SPTB: variants seen among roughly 807,000 people sequenced by gnomAD.
The protein encoded by SPTB is spectrin beta chain, erythrocytic.
In SPTB, 45 loss-of-function variants were observed where a neutral mutation model predicts 256.2. The ratio of observed to expected loss-of-function variants is 0.18; its 90% CI spans 0.14 to 0.23. SPTB has a LOEUF of 0.23. SPTB is among the 10% of genes least tolerant of loss of function. The probability of loss-of-function intolerance (pLI) is 1.00; values close to 1 mark genes in which losing one functional copy is unlikely to be tolerated. For synonymous variants in SPTB, 1,231 were observed against 1,243.1 expected, an observed-to-expected ratio of 0.99 and a Z score of 0.21; for missense variants, 2,715 against 3,040.4, an observed-to-expected ratio of 0.89 and a Z score of 2.52.
At chr14:64,869,819 C>T (rs1348863447) in intron 1 of SPTB, among the ~76,000 whole-genome samples, 1 of 139,900 alleles carries the variant, frequency 7.1e-6, no homozygotes, top group Non-Finnish European at 1.5e-5. Flanking sequence ...TTTGTAGAGA[C>T]AGGTCTTGCT....
rs2139780081 is a variant in SPTB, at chr14:64,853,156, G to T, written c.-52+26636C>A. ...ACAGTAAAAGTCCTGGACATCCCAT[G>T]GGATATCTGGGTGGAAATGCTTAAC... On this transcript the variant is annotated intron_variant, in intron 1 of 35. Transcript: ENST00000644917. This position sits in a 1 kb window ranked among gnomAD's most constrained non-coding sequence, Gnocchi z 4.3. Among the ~76,000 whole-genome samples the T allele has an allele frequency of 6.6e-6, 1 of 152,280 alleles. No individual in the cohort carries two copies. The highest frequency in any genetic ancestry group is 1.5e-5 in the Non-Finnish European group (1 of 68,024).
intron 1 of SPTB, among the ~76,000 whole-genome samples, chr14:64,857,115 G>A (rs2083886182): frequency 6.6e-6 from 1 of 152,112 alleles, no homozygotes; most frequent in African/African-American, 2.4e-5. Context: ...GCATGTGACC[G>A]CAATACACAA....
intron 15 of SPTB, among the ~76,000 whole-genome samples, chr14:64,789,175 ACCT>A (rs2082625801): frequency 6.6e-6 from 1 of 151,932 alleles, no homozygotes; most frequent in African/African-American, 2.4e-5. Flanking sequence ...ACATAGTGAG[ACCT>A]CATCTCTACA....
At chr14:64,789,223 G>A (rs879327929) in intron 15 of SPTB, among the ~76,000 whole-genome samples, 1 of 152,104 alleles carries the variant, frequency 6.6e-6, no homozygotes. Context: ...ATAGTAGTGT[G>A]CATCTGTAGC....
In SPTB at chr14:64,847,496, T is replaced by C. The variant is rs2083711750; in HGVS notation, c.-51-24351A>G. Reference sequence around the variant, plus strand: ...CTATTTATCTATCCTTCAGGTACCTTCCCAGGTTGGTGCTAGCTCCTTTCA... The same window carrying C: ...CTATTTATCTATCCTTCAGGTACCTCCCCAGGTTGGTGCTAGCTCCTTTCA... On this transcript the variant is annotated intron_variant, in intron 1 of 35. Transcript: ENST00000644917. This position sits in a 1 kb window ranked among gnomAD's most constrained non-coding sequence, Gnocchi z 5.9. Among the ~76,000 whole-genome samples the C allele has an allele frequency of 6.6e-6, 1 of 150,692 alleles. No homozygotes were observed. The highest frequency in any genetic ancestry group is 1.5e-5 in the Non-Finnish European group (1 of 67,494).
rs1378864273 is a variant in SPTB, at chr14:64,797,788, C to G, written c.1123G>C (p.Ala375Pro). 2 of 1,614,050 alleles carry G rather than the reference C, an allele frequency of 1.2e-6. No individual in the cohort carries two copies. The highest frequency in any genetic ancestry group is 2.2e-5 in the East Asian group (1 of 44,894). ...GGTGTGTACACTTTCTGATTGTTGG[C>G]TCTCATCCGGGACTGGATGGTAAAA... ...LLFTIQSRMR[A>P]NNQKVYTPHD... The change falls in exon 10 of 36, where the codon GCC becomes CCC. Residue 375 changes from alanine to proline, a missense_variant. By Grantham distance (27) the Ala-to-Pro change is conservative. Around this residue, in one of 4 missense-constraint regions of SPTB, gnomAD observed 416 missense variants for 571.1 expected, o/e 0.73. Coordinates refer to ENST00000644917, the MANE Select transcript of SPTB (RefSeq NM_001355436.2).
At chr14:64,771,605 C>T (rs193186320) in intron 26 of SPTB, among the ~76,000 whole-genome samples, 6 of 152,228 alleles carry the variant, frequency 3.9e-5, no homozygotes, top group East Asian at 1.9e-4. Context: ...CCTGAGTCCC[C>T]GTTCTTAACC....
intron 2 of SPTB, among the ~76,000 whole-genome samples, chr14:64,817,254 C>T (rs2083209016): frequency 6.6e-6 from 1 of 152,206 alleles, no homozygotes; most frequent in South Asian, 2.1e-4. Context: ...GCAGGTTTAT[C>T]TACACTGTGT....
chr14:64,817,835 G>A (rs1320466552), intron 2 of SPTB, among the ~76,000 whole-genome samples: 4 of 152,248 alleles, frequency 2.6e-5, no homozygotes, highest in East Asian at 1.9e-4. Flanking sequence ...GGAGGTGGGC[G>A]GGGAGCAGCA....
At chr14:64,753,951 C>T in intron 32 of SPTB, 158 bp from the exon 33 acceptor site, 1 of 923,526 alleles carries the variant, frequency 1.1e-6, no homozygotes, top group South Asian at 1.4e-5. Context: ...TCTCCCACAA[C>T]CTGCTATGGG....
At chr14:64,839,561 T>C (rs950374008) in intron 1 of SPTB, among the ~76,000 whole-genome samples, 4 of 152,222 alleles carry the variant, frequency 2.6e-5, no homozygotes, top group African/African-American at 9.6e-5. Flanking sequence ...TTACTGTATG[T>C]AAATTATGCT....
chr14:64,831,567 C>G (rs1271078311), intron 1 of SPTB, among the ~76,000 whole-genome samples: 1 of 152,246 alleles, frequency 6.6e-6, no homozygotes, highest in Non-Finnish European at 1.5e-5. Context: ...TGGAAAGGGG[C>G]TGCCCTGTGC....
chr14:64,801,457 G>T, intron 6 of SPTB, 57 bp from the exon 7 acceptor site: 2 of 1,268,176 alleles, frequency 1.6e-6, no homozygotes, highest in Non-Finnish European at 2.3e-6. Context: ...CACCAGGAGG[G>T]CAGCCCTAGC....
At position 64,747,662 on chromosome 14, in the gene SPTB, C is replaced by A. The variant is rs531394046; in HGVS notation, c.*1644G>T. On this transcript the variant is annotated 3_prime_UTR_variant, in exon 36 of 36. Coordinates refer to ENST00000644917, the MANE Select transcript of SPTB (RefSeq NM_001355436.2). ...GGGGGCCTCATTCTGGATGCCTGCC[C>A]CTGTGGCTTCTACCTGAACCTCACC... The A allele has an allele frequency of 8.5e-5, 13 of 152,374 alleles. No homozygotes were observed. The highest frequency in any genetic ancestry group is 2.9e-4 in the African/African-American group (12 of 41,542). 9.4% of individuals were successfully genotyped at this position (152,374 alleles called of 1,614,324 possible).
intron 1 of SPTB, among the ~76,000 whole-genome samples, chr14:64,858,300 C>T (rs908114819): frequency 1.3e-5 from 2 of 152,156 alleles, no homozygotes; most frequent in African/African-American, 4.8e-5. Context: ...CGGTGTTAAA[C>T]TTGATTCTTA....
chr14:64,762,274 G>T (rs1270306829), intron 32 of SPTB, among the ~76,000 whole-genome samples: 1 of 152,244 alleles, frequency 6.6e-6, no homozygotes, highest in South Asian at 2.1e-4. Flanking sequence ...GTCTGAAAGA[G>T]TAGCAGGAGG....
chr14:64,815,940 G>A (rs552038159), intron 2 of SPTB, among the ~76,000 whole-genome samples: 4 of 152,264 alleles, frequency 2.6e-5, no homozygotes, highest in African/African-American at 4.8e-5. Flanking sequence ...GCAGGATGAC[G>A]GAAGAGTGAT....
At chr14:64,768,982 C>T (rs2082235361) in intron 29 of SPTB, 52 bp downstream of exon 29, 1 of 1,452,332 alleles carries the variant, frequency 6.9e-7, no homozygotes, top group African/African-American at 1.4e-5. Flanking sequence ...CATTCCCCTA[C>T]TCCTGCGGGG....
At position 64,746,321 on chromosome 14, in the gene SPTB, G is replaced by A. The variant is rs2139404393; in HGVS notation, c.*2985C>T. ...ATTTATTAGAAAAACTAGTAAATGG[G>A]TTTCCTCTGGTTGGTGGAAGCACGG... On this transcript the variant is annotated 3_prime_UTR_variant, in exon 36 of 36. Coordinates refer to ENST00000644917, the MANE Select transcript of SPTB (RefSeq NM_001355436.2). This position sits in a 1 kb window ranked among gnomAD's most constrained non-coding sequence, Gnocchi z 4.9. 6.6e-6 allele frequency: 1 copy of A among 152,628 alleles called. No homozygotes were observed. Among genetic ancestry groups the A allele is most frequent in the Middle Eastern group, 3.4e-3 (1 of 294 alleles). The allele number at this position is 152,628 out of a possible 1,614,324, so 9.5% of individuals were successfully genotyped here.
Sources: allele counts gnomAD v4.1 joint callset (sites outside exome capture counted in the v4.1 genomes callset), GRCh38; gene constraint gnomAD v4.1.1; regional missense constraint gnomAD v4.1.1; non-coding constraint Gnocchi (gnomAD v3.1); transcripts MANE v1.5; gene names NCBI Gene and HGNC (gene_info 2026-07-23, HGNC 2026-07-21).